The following MSH3 variants were observed in gnomAD, a reference collection of about 807,000 sequenced individuals.
The protein encoded by MSH3 is DNA mismatch repair protein Msh3.
Under a neutral mutation model 123.3 loss-of-function variants are expected in MSH3, and 106 were observed. That is an observed-to-expected ratio of 0.86 (90% CI 0.73 to 1.01). The LOEUF (loss-of-function observed/expected upper bound fraction) is 1.01. Among genes scored for constraint, MSH3 ranks in the 50% least tolerant of loss-of-function variants. MSH3 has a pLI of 0.00. For synonymous variants in MSH3, 515 were observed against 481.4 expected (o/e 1.07, Z -0.91); for missense variants, 1,459 against 1,347.6 (o/e 1.08, Z -1.29).
chr5:80,711,402 G>A (rs965378031), intron 8 of MSH3, among the ~76,000 whole-genome samples: 4 of 152,122 alleles, frequency 2.6e-5, no homozygotes, highest in South Asian at 2.1e-4. Flanking sequence ...AGGCCCTTTC[G>A]CCTCTGTTGG....
intron 8 of MSH3, among the ~76,000 whole-genome samples, chr5:80,720,787 T>G (rs1751063160): frequency 6.6e-6 from 1 of 152,106 alleles, no homozygotes; most frequent in Non-Finnish European, 1.5e-5. Context: ...TTTATGCAAA[T>G]TCATTTTCCC....
At chr5:80,832,988 C>T (rs1221787434) in intron 20 of MSH3, among the ~76,000 whole-genome samples, 1 of 152,086 alleles carries the variant, frequency 6.6e-6, no homozygotes, top group Non-Finnish European at 1.5e-5. Flanking sequence ...AATATTATCT[C>T]AAAATAGTAA....
chr5:80,778,696 T>G, intron 16 of MSH3, 24 bp from the exon 17 acceptor site: 1 of 1,329,376 alleles, frequency 7.5e-7, no homozygotes, highest in Non-Finnish European at 1.1e-6. Context: ...TGATTTCCTA[T>G]TTGTGTTCTT....
intron 11 of MSH3, among the ~76,000 whole-genome samples, chr5:80,743,005 C>T (rs544300137): frequency 1.3e-5 from 2 of 152,216 alleles, no homozygotes; most frequent in South Asian, 2.1e-4. Flanking sequence ...TTTTAGAAGC[C>T]GAAGCTGAGA....
At chr5:80,814,314 T>C (rs1354462131) in intron 20 of MSH3, among the ~76,000 whole-genome samples, 6 of 152,260 alleles carry the variant, frequency 3.9e-5, no homozygotes, top group African/African-American at 1.2e-4. Flanking sequence ...TCTCGTTTCC[T>C]AGGCCAGAGT....
At chr5:80,661,086 C>T (rs1164691455) in intron 2 of MSH3, among the ~76,000 whole-genome samples, 3 of 152,140 alleles carry the variant, frequency 2.0e-5, no homozygotes, top group African/African-American at 4.8e-5. Flanking sequence ...CATGAGCCAC[C>T]GTGCCCAGCT....
intron 12 of MSH3, among the ~76,000 whole-genome samples, chr5:80,748,718 ACACACACACACACACC>A (rs1212901175): frequency 1.3e-5 from 2 of 151,170 alleles, no homozygotes; most frequent in African/African-American, 4.9e-5. Flanking sequence ...ACACACACAC[ACACACACACACACACC>A]CATATGTATG....
At chr5:80,665,907 A>G (rs1002764703) in intron 3 of MSH3, among the ~76,000 whole-genome samples, 9 of 152,358 alleles carry the variant, frequency 5.9e-5, no homozygotes, top group Admixed American at 2.0e-4. Flanking sequence ...TCTGTAATTC[A>G]GAATAGTGAT....
In MSH3 at chr5:80,700,240, G is replaced by A. The variant is rs569107926; in HGVS notation, c.1340+21147G>A. On this transcript the variant is annotated intron_variant, in intron 8 of 23. Coordinates refer to ENST00000265081, the MANE Select transcript of MSH3 (RefSeq NM_002439.5). ...ACTAAAAATACAAAAAATTAGCTGG[G>A]CATGATGGCACGTGCCTGTAATCCC... Among the ~76,000 whole-genome samples the A allele has an allele frequency of 1.5e-3, 232 of 152,270 alleles. 3 individuals carry two copies. In the South Asian group the frequency reaches 0.046, roughly 30 times the overall value.
chr5:80,869,894 C>T (rs1383361237), intron 22 of MSH3, among the ~76,000 whole-genome samples: 1 of 148,890 alleles, frequency 6.7e-6, no homozygotes, highest in Non-Finnish European at 1.5e-5. Context: ...CATTAATAGG[C>T]TGGGCATGGT....
intron 20 of MSH3, among the ~76,000 whole-genome samples, chr5:80,841,786 T>C (rs1208296527): frequency 1.3e-5 from 2 of 152,220 alleles, no homozygotes; most frequent in African/African-American, 4.8e-5. Flanking sequence ...TTTAAGTTCT[T>C]TGTAGATTCT....
intron 16 of MSH3, among the ~76,000 whole-genome samples, chr5:80,776,903 A>G (rs1440047655): frequency 7.0e-6 from 1 of 143,852 alleles, no homozygotes; most frequent in Non-Finnish European, 1.5e-5. Context: ...TACAAAAAAT[A>G]TAATACAAAT....
intron 20 of MSH3, among the ~76,000 whole-genome samples, chr5:80,829,478 C>A (rs766693511): frequency 6.6e-6 from 1 of 152,066 alleles, no homozygotes; most frequent in African/African-American, 2.4e-5. Context: ...GCTTTCTATG[C>A]GTCTGTTGAT....
intron 8 of MSH3, among the ~76,000 whole-genome samples, chr5:80,716,693 G>C (rs1312051175): frequency 6.6e-6 from 1 of 152,024 alleles, no homozygotes; most frequent in Admixed American, 6.6e-5. Flanking sequence ...AGGTGTTTAG[G>C]ATACCTGTCA....
intron 8 of MSH3, among the ~76,000 whole-genome samples, chr5:80,709,239 G>C (rs1580577131): frequency 6.6e-6 from 1 of 151,962 alleles, no homozygotes; most frequent in East Asian, 1.9e-4. Context: ...GTGTGTGTGT[G>C]TGTGTACCCT....
At position 80,684,988 on chromosome 5, in the gene MSH3, G is replaced by A. The variant is rs78838361; in HGVS notation, c.1340+5895G>A. 6.9e-3 allele frequency among the ~76,000 whole-genome samples: 1,053 copies of A among 151,712 alleles called. 11 individuals are homozygous for A. Among genetic ancestry groups the A allele is most frequent in the African/African-American group, 0.024 (1,004 of 41,374 alleles). ...GTGACTGATTTGCATATGTTGAACC[G>A]TCTTTGCATCTCTGTGATAAATTCT... On this transcript the variant is annotated intron_variant, in intron 8 of 23. Coordinates refer to ENST00000265081, the MANE Select transcript of MSH3 (RefSeq NM_002439.5).
chr5:80,767,255 TATTC>T (rs1361491023), intron 13 of MSH3, among the ~76,000 whole-genome samples: 7 of 152,172 alleles, frequency 4.6e-5, no homozygotes, highest in Non-Finnish European at 1.0e-4. Flanking sequence ...AAGTGGTGCT[TATTC>T]AAAGGGTTAT....
intron 20 of MSH3, among the ~76,000 whole-genome samples, chr5:80,846,357 G>T (rs1270327033): frequency 6.6e-6 from 1 of 151,728 alleles, no homozygotes. Context: ...GCTACACGGG[G>T]TTTTGGGACC....
intron 20 of MSH3, among the ~76,000 whole-genome samples, chr5:80,821,299 T>C (rs1159367577): frequency 6.6e-6 from 1 of 152,226 alleles, no homozygotes; most frequent in African/African-American, 2.4e-5. Context: ...ATCATGCTAT[T>C]TGTTCACTAT....
Sources: allele counts gnomAD v4.1 joint callset (sites outside exome capture counted in the v4.1 genomes callset), GRCh38; gene constraint gnomAD v4.1.1; transcripts MANE v1.5; gene names NCBI Gene and HGNC (gene_info 2026-07-23, HGNC 2026-07-21).